Variants in ALDOB observed in about 807,000 individuals in gnomAD.
ALDOB encodes the protein fructose-bisphosphate aldolase B.
A neutral mutation model predicts 41.0 loss-of-function variants in ALDOB; 39 were observed. The observed-to-expected ratio is 0.95, with a 90% CI of 0.74 to 1.24. The LOEUF (loss-of-function observed/expected upper bound fraction) is 1.24. Ranked by LOEUF, ALDOB falls within the 50% of genes most tolerant of loss-of-function variation. The pLI is 0.00. For synonymous variants in ALDOB, 175 were observed against 168.8 expected (o/e 1.04, Z -0.28); for missense variants, 530 against 457.3 (o/e 1.16, Z -1.45).
Position 101,421,765 on chromosome 9 carries a change from C to G in ALDOB, c.*44G>C. The G allele has an allele frequency of 6.5e-7, 1 of 1,544,052 alleles. No homozygotes were observed. Among genetic ancestry groups the G allele is most frequent in the Non-Finnish European group, 9.0e-7 (1 of 1,117,244 alleles). On this transcript the variant is annotated 3_prime_UTR_variant, in exon 9 of 9. Transcript: ENST00000647789. ...GGAGGAAAAGTTGCTCCCTTTCAGC[C>G]CTCCTACTAGAAGCACTGGAGCTAG...
At chr9:101,428,138 A>AT (rs1231789979) in intron 4 of ALDOB, among the ~76,000 whole-genome samples, 1 of 152,100 alleles carries the variant, frequency 6.6e-6, no homozygotes, top group South Asian at 2.1e-4. Flanking sequence ...ACTGCTGCTA[A>AT]TTTTTTTCTA....
intron 3 of ALDOB, 148 bp from the exon 4 acceptor site, chr9:101,428,671 G>A (rs1831167330): frequency 1.3e-6 from 1 of 752,594 alleles, no homozygotes; most frequent in Admixed American, 1.9e-5. Flanking sequence ...GTCCATAGCA[G>A]AAGGGAAGTT....
chr9:101,423,566 C>T (rs534099614), intron 8 of ALDOB, among the ~76,000 whole-genome samples: 4 of 152,310 alleles, frequency 2.6e-5, no homozygotes, highest in South Asian at 2.1e-4. Flanking sequence ...CAGCAGATAC[C>T]CTCAACTGTA....
intron 1 of ALDOB, among the ~76,000 whole-genome samples, 155 bp from the exon 2 acceptor site, chr9:101,431,052 C>T (rs1409469123): frequency 1.3e-5 from 2 of 152,146 alleles, no homozygotes; most frequent in Admixed American, 6.5e-5. Context: ...TTTGTTTTTC[C>T]CCCATCACTT....
chr9:101,425,116 C>T (rs1588170244), intron 7 of ALDOB, 74 bp from the exon 8 acceptor site: 1 of 1,530,648 alleles, frequency 6.5e-7, no homozygotes, highest in Non-Finnish European at 9.0e-7. Context: ...AGCAATGAAC[C>T]TACCAGAAAA....
At chr9:101,424,510 C>T (rs530318946) in intron 8 of ALDOB, among the ~76,000 whole-genome samples, 113 of 152,250 alleles carry the variant, frequency 7.4e-4, no homozygotes, top group African/African-American at 2.5e-3. Flanking sequence ...ACAATATAAT[C>T]GCTGCTTTTC....
At chr9:101,423,231 C>T (rs116481899) in intron 8 of ALDOB, among the ~76,000 whole-genome samples, 1 of 152,198 alleles carries the variant, frequency 6.6e-6, no homozygotes, top group African/African-American at 2.4e-5. Context: ...CTTCTGACTA[C>T]TCTTGATTCC....
chr9:101,428,963 T>C (rs1163653319), intron 3 of ALDOB, among the ~76,000 whole-genome samples: 1 of 152,194 alleles, frequency 6.6e-6, no homozygotes, highest in South Asian at 2.1e-4. Context: ...GAGAATTAAA[T>C]GAATGCTTGG....
Position 101,427,472 on chromosome 9 carries a change from G to T in ALDOB, c.540+10C>A. ...CTACTCTTTTTCAGCCCAAGGGGAA[G>T]GCAGAGCACCTGCTGACAGATGCTG... On this transcript the variant is annotated intron_variant, in intron 5 of 8. Coordinates refer to ENST00000647789, the MANE Select transcript of ALDOB (RefSeq NM_000035.4). 1 of 1,614,156 alleles carries T rather than the reference G, an allele frequency of 6.2e-7. No homozygotes were observed. The highest frequency in any genetic ancestry group is 1.1e-5 in the South Asian group (1 of 91,082).
chr9:101,430,710 G>A, intron 2 of ALDOB, 66 bp downstream of exon 2: 2 of 1,193,388 alleles, frequency 1.7e-6, no homozygotes, highest in Admixed American at 1.8e-5. Flanking sequence ...TGATTATCAA[G>A]TTGTTTTTGC....
At chr9:101,430,004 C>G (rs764158190) in intron 2 of ALDOB, 38 bp from the exon 3 acceptor site, 3 of 1,560,650 alleles carry the variant, frequency 1.9e-6, no homozygotes, top group African/African-American at 1.4e-5. Flanking sequence ...AAGGAGCAAG[C>G]CAGGGCTTTC....
At chr9:101,434,603 C>T (rs1831265108) in intron 1 of ALDOB, among the ~76,000 whole-genome samples, 1 of 152,178 alleles carries the variant, frequency 6.6e-6, no homozygotes, top group Non-Finnish European at 1.5e-5. Flanking sequence ...CTTAAAGCTG[C>T]CAATAGCTTC....
chr9:101,426,899 A>C (rs192431066), intron 5 of ALDOB, among the ~76,000 whole-genome samples: 5 of 152,332 alleles, frequency 3.3e-5, no homozygotes, highest in Admixed American at 3.3e-4. Flanking sequence ...AGCATAAATC[A>C]TTAAGAAAGA....
chr9:101,430,106 T>A (rs1564078948), intron 2 of ALDOB, 140 bp from the exon 3 acceptor site: 2 of 828,054 alleles, frequency 2.4e-6, no homozygotes, highest in Non-Finnish European at 2.0e-6. Context: ...CTGCTTCAAT[T>A]TTTTGTGTTC....
chr9:101,421,565 G>A lies in ALDOB; in HGVS notation c.*244C>T, dbSNP rs1831046937. On this transcript the variant is annotated 3_prime_UTR_variant, in exon 9 of 9. Coordinates refer to ENST00000647789, the MANE Select transcript of ALDOB (RefSeq NM_000035.4). The stretch of plus-strand genomic sequence containing the variant: ...TATTATTTTCTTGGGTGGGTATTCT[G>A]GAGCATGGGGAGCTGAAAGTGTTGC... 1 of 558,454 alleles carries A rather than the reference G, an allele frequency of 1.8e-6. No individual in the cohort carries two copies. The highest frequency in any genetic ancestry group is 1.9e-5 in the African/African-American group (1 of 53,136). The allele number at this position is 558,454 out of a possible 1,614,324, so 34.6% of individuals were successfully genotyped here. A position where few individuals can be genotyped will look rare whatever the true frequency, so the allele number is the denominator to read the frequency against.
At chr9:101,428,572 C>G in intron 3 of ALDOB, 49 bp from the exon 4 acceptor site, 2 of 1,465,140 alleles carry the variant, frequency 1.4e-6, no homozygotes, top group Non-Finnish European at 1.9e-6. Flanking sequence ...AAAACACAAG[C>G]AGAACTCTTG....
rs1395851678 is a variant in ALDOB at position 101,426,499 on chromosome 9, T to C, written c.624+56A>G. ...GCTGTTATATGTTAAGTAACAGCTG[T>C]TACCTAAAACTAAGATTTTTCAACT... On this transcript the variant is annotated intron_variant, in intron 6 of 8. Transcript: ENST00000647789. 1.1e-5 allele frequency: 12 copies of C among 1,084,838 alleles called. No homozygotes were observed. The East Asian group carries it at 1.2e-4, about 11-fold the overall frequency. The allele number at this position is 1,084,838 out of a possible 1,614,324, so 67.2% of individuals were successfully genotyped here.
chr9:101,429,002 C>G lies in ALDOB; in HGVS notation c.325-479G>C, dbSNP rs746507404. Reference sequence around the variant, plus strand: ...GGTAAAAACTCTTATTCAATGGATACTAGTTTTCACTTTTGAGAAGTTTAT... The same window carrying G: ...GGTAAAAACTCTTATTCAATGGATAGTAGTTTTCACTTTTGAGAAGTTTAT... On this transcript the variant is annotated intron_variant, in intron 3 of 8. Coordinates refer to ENST00000647789, the MANE Select transcript of ALDOB (RefSeq NM_000035.4). Among the ~76,000 whole-genome samples the G allele has an allele frequency of 1.1e-4, 17 of 152,170 alleles. 1 individual carries two copies. Among genetic ancestry groups the G allele is most frequent in the Non-Finnish European group, 1.5e-5 (1 of 68,040 alleles).
At chr9:101,432,998 T>C (rs1831242530) in intron 1 of ALDOB, among the ~76,000 whole-genome samples, 1 of 152,246 alleles carries the variant, frequency 6.6e-6, no homozygotes, top group South Asian at 2.1e-4. Context: ...CTGCCTAATC[T>C]AGCTGGAACC....
Sources: gnomAD v4.1 joint callset for allele counts (sites outside exome capture counted in the v4.1 genomes callset) on GRCh38, gnomAD v4.1.1 for gene constraint, MANE v1.5 for transcripts, NCBI Gene and HGNC (gene_info 2026-07-23, HGNC 2026-07-21) for gene names.